The following RP1 variants were observed in gnomAD, a reference collection of about 807,000 sequenced individuals.
RP1 encodes RP1 axonemal microtubule associated.
A neutral mutation model predicts 14.8 loss-of-function variants in RP1; 16 were observed. The observed-to-expected ratio is 1.08, with a 90% CI of 0.73 to 1.65. The LOEUF (loss-of-function observed/expected upper bound fraction) is 1.65, where lower values mean the gene tolerates loss of function less well. Ranked by LOEUF, RP1 falls within the 40% of genes most tolerant of loss-of-function variation. The pLI, the probability that RP1 is intolerant of heterozygous loss-of-function variation, is 0.00. For missense variants in RP1, 2,631 were observed against 2,535.0 expected, an observed-to-expected ratio of 1.04 and a Z score of -0.81; for synonymous variants, 876 against 883.6, an observed-to-expected ratio of 0.99 and a Z score of 0.15.
At chr8:54,655,632 C>T (rs1298117849) in intron 5 of RP1, among the ~76,000 whole-genome samples, 4 of 152,142 alleles carry the variant, frequency 2.6e-5, no homozygotes, top group Admixed American at 6.5e-5. Context: ...AAAATGTAAA[C>T]ATCTCTTTCT....
exon 22 of RP1, chr8:54,759,052 C>T (rs1809575387): frequency 3.3e-6 from 5 of 1,535,116 alleles, no homozygotes; most frequent in Middle Eastern, 3.6e-4. Flanking sequence ...GGCACCACAT[C>T]CGAGTCCATC....
intron 22 of RP1, among the ~76,000 whole-genome samples, chr8:54,767,518 C>T (rs1809790360): frequency 6.6e-6 from 1 of 152,026 alleles, no homozygotes; most frequent in Non-Finnish European, 1.5e-5. Context: ...TGCCAACATG[C>T]CTGGACAATT....
At chr8:54,836,651 C>T (rs1248061471) in intron 24 of RP1, among the ~76,000 whole-genome samples, 1 of 152,148 alleles carries the variant, frequency 6.6e-6, no homozygotes, top group East Asian at 1.9e-4. Flanking sequence ...GCGGAAGCTT[C>T]CCCAGAGCCT....
intron 24 of RP1, among the ~76,000 whole-genome samples, chr8:54,795,119 G>C (rs191818355): frequency 6.6e-6 from 1 of 151,996 alleles, no homozygotes; most frequent in Non-Finnish European, 1.5e-5. Flanking sequence ...TGGAGAAAAG[G>C]GAACCCTTGT....
intron 17 of RP1, chr8:54,734,407 A>G: frequency 1.5e-6 from 1 of 669,728 alleles, no homozygotes; most frequent in Non-Finnish European, 2.4e-6. Flanking sequence ...AGCTCCCTGG[A>G]GTCTTCACAG....
At chr8:54,776,437 CCT>C (rs1234081384) in intron 23 of RP1, among the ~76,000 whole-genome samples, 2 of 152,226 alleles carry the variant, frequency 1.3e-5, no homozygotes, top group Admixed American at 6.5e-5. Context: ...CCCACCTTGG[CCT>C]GCCAAAGCAC....
rs550317109 is a variant in RP1 at position 54,572,306 on chromosome 8, C to A, written c.-13+12986C>A. Reference sequence around the variant, plus strand: ...CACTTGACTGAACATCCCATAAGAACCCCAATCACAGGAGTTCAGTTAATC... The same window carrying A: ...CACTTGACTGAACATCCCATAAGAAACCCAATCACAGGAGTTCAGTTAATC... On this transcript the variant is annotated intron_variant, in intron 1 of 22. Coordinates refer to the RP1 transcript ENST00000636932. Among the ~76,000 whole-genome samples the A allele has an allele frequency of 4.6e-5, 7 of 152,334 alleles. No homozygotes were observed. In the South Asian group the frequency reaches 1.4e-3, roughly 32 times the overall value.
intron 28 of RP1, among the ~76,000 whole-genome samples, chr8:54,868,741 T>C (rs1006801575): frequency 3.3e-5 from 5 of 152,222 alleles, no homozygotes; most frequent in African/African-American, 1.2e-4. Flanking sequence ...CTGGAGTGTT[T>C]GGAGCATTTA....
downstream of RP1, among the ~76,000 whole-genome samples, chr8:54,634,155 C>T (rs943526644): frequency 5.9e-5 from 9 of 152,070 alleles, no homozygotes; most frequent in African/African-American, 1.2e-4. Context: ...TACTATTCTA[C>T]GCTCTTGTCC....
intron 25 of RP1, among the ~76,000 whole-genome samples, chr8:54,850,659 A>G (rs1471596764): frequency 1.3e-5 from 2 of 152,246 alleles, no homozygotes; most frequent in Non-Finnish European, 2.9e-5. Flanking sequence ...ACTAAGCATT[A>G]TTTAAGTTCT....
intron 25 of RP1, among the ~76,000 whole-genome samples, chr8:54,851,088 T>C (rs1169099962): frequency 6.6e-6 from 1 of 152,156 alleles, no homozygotes; most frequent in African/African-American, 2.4e-5. Flanking sequence ...TGCATGTGCG[T>C]GCATACTTTT....
intron 25 of RP1, among the ~76,000 whole-genome samples, chr8:54,850,644 T>G (rs1812038271): frequency 6.6e-6 from 1 of 152,244 alleles, no homozygotes; most frequent in South Asian, 2.1e-4. Context: ...CTAAGTGACA[T>G]GTTAACTAAG....
intron 8 of RP1, among the ~76,000 whole-genome samples, chr8:54,676,570 A>G (rs949278137): frequency 6.6e-6 from 1 of 152,210 alleles, no homozygotes; most frequent in Non-Finnish European, 1.5e-5. Flanking sequence ...CAACATACAT[A>G]TGTAAACAAT....
chr8:54,771,612 T>C (rs1809909608), downstream of RP1, among the ~76,000 whole-genome samples: 1 of 152,054 alleles, frequency 6.6e-6, no homozygotes, highest in African/African-American at 2.4e-5. Flanking sequence ...AATGTATATT[T>C]TTTATAGTTC....
At chr8:54,717,767 A>G (rs554039935) in intron 15 of RP1, among the ~76,000 whole-genome samples, 1 of 152,248 alleles carries the variant, frequency 6.6e-6, no homozygotes, top group South Asian at 2.1e-4. Context: ...AAGGAAACAA[A>G]ATGTATACAG....
chr8:54,741,707 G>GTA (rs372225314), intron 19 of RP1, among the ~76,000 whole-genome samples: 8,778 of 57,366 alleles, frequency 0.15, 624 homozygotes, highest in South Asian at 0.2. Context: ...AAATGTGTGT[G>GTA]TATATATATA....
At chr8:54,663,322 G>A (rs1221242462) in intron 6 of RP1, among the ~76,000 whole-genome samples, 3 of 152,076 alleles carry the variant, frequency 2.0e-5, no homozygotes, top group Admixed American at 1.3e-4. Flanking sequence ...AAGCCGTAAA[G>A]TACTTCCTTT....
At chr8:54,777,719 T>A (rs1161014473) in intron 23 of RP1, among the ~76,000 whole-genome samples, 1 of 152,198 alleles carries the variant, frequency 6.6e-6, no homozygotes, top group East Asian at 1.9e-4. Context: ...ATACATAGAA[T>A]TATTTGGAGA....
intron 24 of RP1, among the ~76,000 whole-genome samples, chr8:54,835,311 G>T (rs146065153): frequency 1.3e-5 from 2 of 152,306 alleles, no homozygotes; most frequent in East Asian, 3.9e-4. Context: ...CACTAGCCAT[G>T]CTGTAGTACA....
Sources: gnomAD v4.1 joint callset for allele counts (sites outside exome capture counted in the v4.1 genomes callset) on GRCh38, gnomAD v4.1.1 for gene constraint, MANE v1.5 for transcripts, NCBI Gene and HGNC (gene_info 2026-07-23, HGNC 2026-07-21) for gene names.